The following MBNL2 variants were observed in gnomAD, a reference collection of about 807,000 sequenced individuals.
MBNL2 encodes muscleblind-like protein 2.
A neutral mutation model predicts 41.9 loss-of-function variants in MBNL2; 17 were observed. The ratio of observed to expected loss-of-function variants is 0.41; its 90% CI spans 0.28 to 0.61. The LOEUF is 0.61. Among genes scored for constraint, MBNL2 ranks in the 20% least tolerant of loss-of-function variants. The pLI is 0.35. For missense variants in MBNL2, 336 were observed against 505.6 expected, an observed-to-expected ratio of 0.66 and a Z score of 3.22; for synonymous variants, 195 against 182.9, an observed-to-expected ratio of 1.07 and a Z score of -0.53.
chr13:97,343,853 C>G (rs994475412), intron 4 of MBNL2, among the ~76,000 whole-genome samples: 1 of 152,226 alleles, frequency 6.6e-6, no homozygotes, highest in Non-Finnish European at 1.5e-5. Flanking sequence ...GTTGCCCAGG[C>G]TGGAGTGCAA....
intron 5 of MBNL2, among the ~76,000 whole-genome samples, chr13:97,347,954 T>A (rs1051135234): frequency 6.6e-6 from 1 of 152,146 alleles, no homozygotes; most frequent in African/African-American, 2.4e-5. Context: ...TGCCTAGACA[T>A]TGCTTATCAA....
At chr13:97,257,390 C>A (rs1190877082) in intron 1 of MBNL2, among the ~76,000 whole-genome samples, 1 of 152,154 alleles carries the variant, frequency 6.6e-6, no homozygotes, top group East Asian at 1.9e-4. Flanking sequence ...ATTAATTTTC[C>A]TACTCAGCAG....
At chr13:97,218,444 A>ACAAAAC (rs1555302255), upstream of MBNL2, among the ~76,000 whole-genome samples, 2 of 136,820 alleles carry the variant, frequency 1.5e-5, no homozygotes, top group Non-Finnish European at 1.6e-5. Flanking sequence ...ACAAAACAAA[A>ACAAAAC]AAAAAAAACT....
At chr13:97,191,936 G>A in the MBNL2 span, among the ~76,000 whole-genome samples, 1 of 152,168 alleles carries the variant, frequency 6.6e-6, no homozygotes, top group East Asian at 1.9e-4. Context: ...CCTCTATACA[G>A]GACAGTCATA....
the MBNL2 span, among the ~76,000 whole-genome samples, chr13:97,203,311 A>G: frequency 2.6e-5 from 4 of 152,210 alleles, no homozygotes; most frequent in Admixed American, 1.3e-4. Flanking sequence ...GTTAATTCAC[A>G]TACAAATTGG....
chr13:97,296,836 A>G (rs999490370), intron 2 of MBNL2, among the ~76,000 whole-genome samples: 19 of 152,224 alleles, frequency 1.2e-4, no homozygotes, highest in East Asian at 1.2e-3. Flanking sequence ...AGAAAGTTCT[A>G]TAGACAAGGT....
chr13:97,188,264 G>C, the MBNL2 span, among the ~76,000 whole-genome samples: 1 of 152,152 alleles, frequency 6.6e-6, no homozygotes, highest in South Asian at 2.1e-4. Context: ...CGCGATCCAT[G>C]TTCAAACACC....
chr13:97,144,587 G>A, the MBNL2 span, among the ~76,000 whole-genome samples: 2 of 151,850 alleles, frequency 1.3e-5, no homozygotes, highest in Non-Finnish European at 2.9e-5. Flanking sequence ...GTGCCACCAC[G>A]CCTGGCTAAT....
chr13:97,145,192 G>A, the MBNL2 span, among the ~76,000 whole-genome samples: 2 of 152,202 alleles, frequency 1.3e-5, no homozygotes, highest in Admixed American at 6.5e-5. Flanking sequence ...TGACGGGCCT[G>A]TGGAAGGACT....
intron 2 of MBNL2, among the ~76,000 whole-genome samples, chr13:97,307,331 C>T (rs2058214182): frequency 6.6e-6 from 1 of 151,904 alleles, no homozygotes; most frequent in African/African-American, 2.4e-5. Context: ...ACTGTGTGTG[C>T]CAAAGCCTTA....
intron 8 of MBNL2, among the ~76,000 whole-genome samples, chr13:97,367,444 T>C (rs3782984): frequency 0.11 from 17,412 of 152,158 alleles, 1,046 homozygotes; most frequent in East Asian, 0.19. Flanking sequence ...GTTTCATGGG[T>C]TTTTAAAAAT....
chr13:97,149,488 T>G, the MBNL2 span, among the ~76,000 whole-genome samples: 1 of 152,132 alleles, frequency 6.6e-6, no homozygotes, highest in African/African-American at 2.4e-5. Context: ...TCTAGCTGAC[T>G]AGGGGCAGAC....
chr13:97,304,549 C>T (rs2057942206), intron 2 of MBNL2, among the ~76,000 whole-genome samples: 1 of 152,150 alleles, frequency 6.6e-6, no homozygotes, highest in Admixed American at 6.5e-5. Flanking sequence ...TGAAGGATTT[C>T]ATAGTGGATC....
At chr13:97,166,858 A>G in the MBNL2 span, among the ~76,000 whole-genome samples, 1 of 152,130 alleles carries the variant, frequency 6.6e-6, no homozygotes, top group South Asian at 2.1e-4. Flanking sequence ...ATAGAGATAT[A>G]TATCCTATTA....
At chr13:97,216,145 A>G in the MBNL2 span, among the ~76,000 whole-genome samples, 1 of 152,136 alleles carries the variant, frequency 6.6e-6, no homozygotes, top group South Asian at 2.1e-4. Context: ...TCAGGAAAAA[A>G]CACCATAACT....
At chr13:97,359,283 A>AAATT (rs1486858098) in intron 7 of MBNL2, among the ~76,000 whole-genome samples, 1 of 152,088 alleles carries the variant, frequency 6.6e-6, no homozygotes, top group Non-Finnish European at 1.5e-5. Context: ...AAAAAAAAAA[A>AAATT]AATTAAGGAA....
rs909759891 is a variant in MBNL2 at position 97,372,904 on chromosome 13, C to CTA, written c.1048+7737_1048+7738dup. Among the ~76,000 whole-genome samples, 87 of 152,310 alleles carry CTA rather than the reference C, an allele frequency of 5.7e-4. 1 individual carries two copies. The highest frequency in any genetic ancestry group is 2.0e-3 in the African/African-American group (82 of 41,576). Reference sequence around the variant, plus strand: ...TATTATTCAATGCCATCTGTCTGGACTATATTCAGACAAATGTAGGAGGCA... The same window carrying CTA: ...TATTATTCAATGCCATCTGTCTGGACTATATATTCAGACAAATGTAGGAGGCA... On this transcript the variant is annotated intron_variant, in intron 8 of 8. Coordinates refer to ENST00000679496, the MANE Select transcript of MBNL2 (RefSeq NM_001382683.1).
At chr13:97,156,974 T>A in the MBNL2 span, among the ~76,000 whole-genome samples, 1 of 151,160 alleles carries the variant, frequency 6.6e-6, no homozygotes, top group East Asian at 1.9e-4. Context: ...AGTCTGTAAA[T>A]TACCTTGGGC....
chr13:97,219,089 T>TCTAACA (rs2040649736), upstream of MBNL2, among the ~76,000 whole-genome samples: 1 of 152,196 alleles, frequency 6.6e-6, no homozygotes, highest in African/African-American at 2.4e-5. Flanking sequence ...CAGTGTCACC[T>TCTAACA]GGGAGCTTGT....
Sources: gnomAD v4.1 joint callset for allele counts (sites outside exome capture counted in the v4.1 genomes callset) on GRCh38, gnomAD v4.1.1 for gene constraint, MANE v1.5 for transcripts, NCBI Gene and HGNC (gene_info 2026-07-23, HGNC 2026-07-21) for gene names.